Variants in LYPLA1 observed in about 807,000 individuals in gnomAD.
LYPLA1 encodes lysophospholipase 1.
In LYPLA1, 17 loss-of-function variants were observed where a neutral mutation model predicts 34.0. The observed-to-expected ratio is 0.50, with a 90% CI of 0.34 to 0.75. The LOEUF is 0.75. Among genes scored for constraint, LYPLA1 ranks in the 30% least tolerant of loss-of-function variants. LYPLA1 has a pLI of 0.01. For missense variants in LYPLA1, 203 were observed against 288.8 expected (o/e 0.70, Z 2.15); for synonymous variants, 98 against 100.8 (o/e 0.97, Z 0.17).
chr8:54,072,379 G>T (rs1807541864), intron 2 of LYPLA1, among the ~76,000 whole-genome samples: 1 of 152,072 alleles, frequency 6.6e-6, no homozygotes, highest in African/African-American at 2.4e-5. Context: ...AACAAAAATT[G>T]ACAAATGAGA....
Position 54,073,412 on chromosome 8 carries a change from G to C in LYPLA1, c.102-7599C>G. 5.2e-6 allele frequency: 4 copies of C among 776,060 alleles called. No individual in the cohort carries two copies. The South Asian group carries it at 5.4e-5, about 10-fold the overall frequency. The allele number at this position is 776,060 out of a possible 1,614,324, so 48.1% of individuals were successfully genotyped here. A position where few individuals can be genotyped will look rare whatever the true frequency, so the allele number is the denominator to read the frequency against. ...TGTTCCATTTGTAAATGCTGGCACG[G>C]CCAGCTCCGCTGCTTTCCTCAGCCA... On this transcript the variant is annotated intron_variant, in intron 2 of 8. Transcript: ENST00000316963.
intron 2 of LYPLA1, among the ~76,000 whole-genome samples, chr8:54,097,450 C>T (rs765394246): frequency 6.6e-6 from 1 of 151,960 alleles, no homozygotes; most frequent in Non-Finnish European, 1.5e-5. Flanking sequence ...ACTAAAGAGA[C>T]GTGATAACTA....
intron 2 of LYPLA1, chr8:54,100,266 T>A (rs1447369557): frequency 6.6e-6 from 1 of 152,340 alleles, no homozygotes; most frequent in Non-Finnish European, 1.5e-5. Flanking sequence ...GAAGGATCAC[T>A]TGAGCCCAGG....
At chr8:54,053,853 G>T (rs1263335512) in intron 6 of LYPLA1, among the ~76,000 whole-genome samples, 1 of 152,156 alleles carries the variant, frequency 6.6e-6, no homozygotes, top group East Asian at 1.9e-4. Flanking sequence ...TTCCTCCTCA[G>T]TTTCCTTGAT....
At chr8:54,051,928 G>C (rs942772589) in intron 7 of LYPLA1, among the ~76,000 whole-genome samples, 1 of 150,488 alleles carries the variant, frequency 6.6e-6, no homozygotes, top group Admixed American at 6.7e-5. Flanking sequence ...GTGGCTCACT[G>C]CAACTTCCAC....
intron 2 of LYPLA1, among the ~76,000 whole-genome samples, chr8:54,090,825 GT>G (rs1363573412): frequency 6.6e-6 from 1 of 152,112 alleles, no homozygotes; most frequent in African/African-American, 2.4e-5. Context: ...CACAGGGGTG[GT>G]TTCCCCCATG....
At chr8:54,062,102 C>T in intron 5 of LYPLA1, 152 bp downstream of exon 5, 1 of 551,372 alleles carries the variant, frequency 1.8e-6, no homozygotes, top group South Asian at 2.2e-5. Flanking sequence ...AGGTGACCCA[C>T]CCGCCTCTAC....
intron 2 of LYPLA1, among the ~76,000 whole-genome samples, chr8:54,067,180 ATAAG>A (rs1219475719): frequency 1.3e-5 from 2 of 152,124 alleles, no homozygotes; most frequent in South Asian, 2.1e-4. Context: ...AAATAAATAA[ATAAG>A]TGAGTAAATA....
chr8:54,100,978 T>TA, intron 1 of LYPLA1, 39 bp from the exon 2 acceptor site: 1 of 1,551,168 alleles, frequency 6.4e-7, no homozygotes. Flanking sequence ...AATGCCTAAA[T>TA]AAGCCCACAC....
intron 2 of LYPLA1, among the ~76,000 whole-genome samples, chr8:54,076,048 G>A (rs1807876521): frequency 6.6e-6 from 1 of 152,174 alleles, no homozygotes; most frequent in African/African-American, 2.4e-5. Context: ...AGTATGGCAA[G>A]AGCTCCTATT....
chr8:54,090,137 A>G (rs1308495028), intron 2 of LYPLA1, among the ~76,000 whole-genome samples: 1 of 152,200 alleles, frequency 6.6e-6, no homozygotes, highest in African/African-American at 2.4e-5. Flanking sequence ...ACCCTTGTGG[A>G]GAGCCTATAA....
Position 54,052,661 on chromosome 8 carries a change from A to G in LYPLA1, c.456T>C (p.Phe152=), listed in dbSNP as rs1348002368. Residue 152 remains phenylalanine (F), a synonymous_variant, in exon 7 of 9, where the codon TTT becomes TTC. Transcript: ENST00000316963. ...LSCWLPLRAS[F]PQGPIGGANR... is the part of the protein sequence containing the mutation. Reference sequence around the variant, plus strand: ...AGTGCATCAACCAAGTTACCTGTGGAAAGGAAGCCCGAAGTGGAAGCCAGC... The same window carrying G: ...AGTGCATCAACCAAGTTACCTGTGGGAAGGAAGCCCGAAGTGGAAGCCAGC... The G allele has an allele frequency of 1.9e-6, 3 of 1,612,494 alleles. No individual in the cohort carries two copies. Among genetic ancestry groups the G allele is most frequent in the Non-Finnish European group, 2.5e-6 (3 of 1,178,996 alleles).
chr8:54,100,699 A>C (rs890753671), intron 2 of LYPLA1: 4 of 563,328 alleles, frequency 7.1e-6, no homozygotes, highest in Non-Finnish European at 1.3e-5. Context: ...ATGTTCCAGA[A>C]ACCAGAGTTA....
chr8:54,101,598 C>A, intron 1 of LYPLA1, 157 bp downstream of exon 1: 1 of 1,150,954 alleles, frequency 8.7e-7, no homozygotes, highest in Non-Finnish European at 1.1e-6. Context: ...CCGCCCCCCG[C>A]GGACCCGGCC....
At chr8:54,081,184 G>T (rs1808291392) in intron 2 of LYPLA1, among the ~76,000 whole-genome samples, 1 of 152,236 alleles carries the variant, frequency 6.6e-6, no homozygotes, top group African/African-American at 2.4e-5. Flanking sequence ...CAAATATACA[G>T]ACAATGCAAC....
chr8:54,049,464 A>G (rs1236674553), intron 8 of LYPLA1, among the ~76,000 whole-genome samples: 4 of 152,142 alleles, frequency 2.6e-5, no homozygotes, highest in African/African-American at 4.8e-5. Flanking sequence ...CAGGGTGCCA[A>G]CATGGCTCAC....
intron 2 of LYPLA1, 102 bp downstream of exon 2, chr8:54,100,806 A>G (rs1020034177): frequency 2.1e-6 from 2 of 940,084 alleles, no homozygotes; most frequent in Non-Finnish European, 3.4e-6. Flanking sequence ...GCAATCTTAA[A>G]ATACCATTTT....
At position 54,053,024 on chromosome 8, in the gene LYPLA1, A is replaced by G. The variant is rs538246265; in HGVS notation, c.361-268T>C. 5 of 362,952 alleles carry G rather than the reference A, an allele frequency of 1.4e-5. No individual in the cohort carries two copies. The South Asian group carries it at 4.6e-4, about 34-fold the overall frequency. 22.5% of individuals were successfully genotyped at this position (362,952 alleles called of 1,614,324 possible). Reference sequence around the variant, plus strand: ...TGCACTTACAACATGCCTTACGAATATTCTGAATTTATATTTTCTCCTTTG... The same window carrying G: ...TGCACTTACAACATGCCTTACGAATGTTCTGAATTTATATTTTCTCCTTTG... On this transcript the variant is annotated intron_variant, in intron 6 of 8. Transcript: ENST00000316963.
intron 5 of LYPLA1, 71 bp downstream of exon 5, chr8:54,062,183 C>A: frequency 9.2e-7 from 1 of 1,082,388 alleles, no homozygotes; most frequent in Non-Finnish European, 1.4e-6. Flanking sequence ...TAACCAGTAG[C>A]GATATGATTA....
Sources: gnomAD v4.1 joint callset for allele counts (sites outside exome capture counted in the v4.1 genomes callset) on GRCh38, gnomAD v4.1.1 for gene constraint, MANE v1.5 for transcripts, NCBI Gene and HGNC (gene_info 2026-07-23, HGNC 2026-07-21) for gene names.